The following COX10 variants were observed in gnomAD, a reference collection of about 807,000 sequenced individuals.
COX10 encodes cytochrome c oxidase assembly factor heme A:farnesyltransferase COX10.
Under a neutral mutation model 37.3 loss-of-function variants are expected in COX10, and 27 were observed. The observed-to-expected ratio is 0.72, with a 90% CI of 0.53 to 1.00. The LOEUF (loss-of-function observed/expected upper bound fraction) is 1.00. Ranked by LOEUF, COX10 falls within the 50% of genes least tolerant of loss-of-function variation. COX10 has a pLI of 0.00. For synonymous variants in COX10, 222 were observed against 229.1 expected (o/e 0.97, Z 0.28); for missense variants, 475 against 563.2 (o/e 0.84, Z 1.59).
At chr17:14,129,388 C>T (rs746073186) in intron 4 of COX10, among the ~76,000 whole-genome samples, 2 of 152,066 alleles carry the variant, frequency 1.3e-5, no homozygotes, top group Non-Finnish European at 2.9e-5. Context: ...GAGTCCCTTG[C>T]CACTAAGAAC....
At chr17:14,117,363 T>A (rs1916136280) in intron 4 of COX10, among the ~76,000 whole-genome samples, 1 of 152,194 alleles carries the variant, frequency 6.6e-6, no homozygotes, top group Non-Finnish European at 1.5e-5. Flanking sequence ...TTTAAAAAAA[T>A]GTGTGAGGTG....
chr17:14,132,203 C>T (rs1416396151), intron 4 of COX10, among the ~76,000 whole-genome samples: 1 of 151,844 alleles, frequency 6.6e-6, no homozygotes, highest in East Asian at 1.9e-4. Context: ...AAGTTTACAC[C>T]ATTTTATTAT....
At chr17:14,116,339 G>A (rs1567594717) in intron 4 of COX10, among the ~76,000 whole-genome samples, 1 of 152,022 alleles carries the variant, frequency 6.6e-6, no homozygotes. Flanking sequence ...GTATTTCAAA[G>A]ATACATTTTC....
chr17:14,190,476 G>T (rs1299793967), intron 5 of COX10, among the ~76,000 whole-genome samples: 1 of 152,216 alleles, frequency 6.6e-6, no homozygotes, highest in Non-Finnish European at 1.5e-5. Flanking sequence ...TCTCTCAGCT[G>T]TAATTTATGG....
At position 14,074,446 on chromosome 17, in the gene COX10, T is replaced by C. The variant is rs775937770; in HGVS notation, c.167T>C (p.Leu56Pro). The change falls in exon 2 of 7, where the codon CTC becomes CCC. Residue 56 changes from leucine (L) to proline (P), a missense_variant. Around this residue, in one of 5 missense-constraint regions of COX10, gnomAD observed 242 missense variants for 242.5 expected, o/e 1.00. Coordinates refer to ENST00000261643, the MANE Select transcript of COX10 (RefSeq NM_001303.4). ...QWITFQHFSF[L>P]KRMYVTQLNR... is the part of the protein sequence containing the mutation. The stretch of plus-strand genomic sequence containing the variant: ...ATTACATTTCAGCACTTTAGCTTCC[T>C]CAAACGCATGGTATGTTTAGAAGAC... 8 of 1,613,678 alleles carry C rather than the reference T, an allele frequency of 5.0e-6. No individual in the cohort carries two copies. The highest frequency in any genetic ancestry group is 6.8e-6 in the Non-Finnish European group (8 of 1,179,728).
chr17:14,173,633 C>T (rs1170801917), intron 5 of COX10, among the ~76,000 whole-genome samples: 4 of 152,192 alleles, frequency 2.6e-5, no homozygotes, highest in African/African-American at 7.2e-5. Context: ...GGAAAATGTA[C>T]GGACCAGACT....
chr17:14,094,629 AG>A (rs1350245069), intron 3 of COX10, among the ~76,000 whole-genome samples: 1 of 152,244 alleles, frequency 6.6e-6, no homozygotes, highest in African/African-American at 2.4e-5. Context: ...TGGAGGAGAC[AG>A]AGAGATAACT....
At chr17:14,073,627 A>G (rs928258431) in intron 1 of COX10, among the ~76,000 whole-genome samples, 11 of 152,350 alleles carry the variant, frequency 7.2e-5, no homozygotes, top group African/African-American at 2.6e-4. Context: ...ACATAGCAAG[A>G]ATAGACACCA....
In COX10 at chr17:14,151,810, A is replaced by C. The variant is rs1904907214; in HGVS notation, c.625-8067A>C. Among the ~76,000 whole-genome samples, 4 of 152,350 alleles carry C rather than the reference A, an allele frequency of 2.6e-5. No individual in the cohort carries two copies. In the South Asian group the frequency reaches 8.3e-4, roughly 32 times the overall value. On this transcript the variant is annotated intron_variant, in intron 4 of 6. Transcript: ENST00000261643. ...GAACCTTTTAATTACATGTAACTTC[A>C]ACTAATTCAATAAAGAATATGGACT...
chr17:14,127,448 T>G (rs140687138), intron 4 of COX10, among the ~76,000 whole-genome samples: 1 of 152,268 alleles, frequency 6.6e-6, no homozygotes, highest in Non-Finnish European at 1.5e-5. Flanking sequence ...AGAGATAAAG[T>G]ATATTCTGAT....
chr17:14,111,162 T>C (rs1347045769), intron 4 of COX10, among the ~76,000 whole-genome samples: 1 of 152,194 alleles, frequency 6.6e-6, no homozygotes, highest in Non-Finnish European at 1.5e-5. Flanking sequence ...GTGTAAGTGA[T>C]TAAGTAAATC....
Position 14,069,623 on chromosome 17 carries a change from C to T in COX10, c.18C>T (p.His6=), listed in dbSNP as rs1295798443. 3.1e-6 allele frequency: 5 copies of T among 1,614,152 alleles called. No individual in the cohort carries two copies. Among genetic ancestry groups the T allele is most frequent in the Non-Finnish European group, 4.2e-6 (5 of 1,180,024 alleles). ...CGTAAATTATGGCCGCATCTCCGCA[C>T]ACTCTCTCCTCACGCCTCCTGACAG... is the stretch of plus-strand genomic sequence containing the variant. The part of the protein sequence containing the change: MAASP[H]TLSSRLLTGC... The change falls in exon 1 of 7, where the codon CAC becomes CAT. Residue 6 remains histidine (H), a synonymous_variant. Transcript: ENST00000261643.
At chr17:14,075,806 C>T (rs1012274600) in intron 2 of COX10, among the ~76,000 whole-genome samples, 4 of 151,644 alleles carry the variant, frequency 2.6e-5, no homozygotes, top group Non-Finnish European at 2.9e-5. Context: ...CTGGCTAACA[C>T]GGTGAAACCC....
At chr17:14,186,842 G>A (rs1192385828) in intron 5 of COX10, among the ~76,000 whole-genome samples, 1 of 152,036 alleles carries the variant, frequency 6.6e-6, no homozygotes, top group Non-Finnish European at 1.5e-5. Context: ...ACATACAGTT[G>A]GGAGACTCTG....
chr17:14,119,798 C>A (rs9909412), intron 4 of COX10, among the ~76,000 whole-genome samples: 74,772 of 150,962 alleles, frequency 0.5, 18,493 homozygotes, highest in Admixed American at 0.53. Context: ...GAGGGTGTAG[C>A]TCAGACCATG....
intron 4 of COX10, among the ~76,000 whole-genome samples, chr17:14,121,128 G>A (rs987149602): frequency 3.3e-5 from 5 of 152,156 alleles, no homozygotes; most frequent in Non-Finnish European, 7.4e-5. Flanking sequence ...GTATTTTTAA[G>A]TTTATTTGTT....
chr17:14,098,196 G>A (rs948841071), intron 3 of COX10, among the ~76,000 whole-genome samples: 3 of 152,090 alleles, frequency 2.0e-5, no homozygotes, highest in African/African-American at 7.2e-5. Context: ...TGTGTTCAAG[G>A]CCTTAAAATA....
intron 5 of COX10, among the ~76,000 whole-genome samples, chr17:14,161,965 A>C (rs1042291436): frequency 1.3e-5 from 2 of 152,198 alleles, no homozygotes; most frequent in African/African-American, 4.8e-5. Flanking sequence ...AACTCTGACT[A>C]ATACAGATTT....
chr17:14,168,001 A>G (rs1049005660), intron 5 of COX10, among the ~76,000 whole-genome samples: 10 of 152,154 alleles, frequency 6.6e-5, no homozygotes, highest in Non-Finnish European at 1.5e-4. Flanking sequence ...TCCAAGTCCA[A>G]AGTCCCATCT....
Sources: allele counts gnomAD v4.1 joint callset (sites outside exome capture counted in the v4.1 genomes callset), GRCh38; gene constraint gnomAD v4.1.1; regional missense constraint gnomAD v4.1.1; transcripts MANE v1.5; gene names NCBI Gene and HGNC (gene_info 2026-07-23, HGNC 2026-07-21).